Variants in FSTL5 observed in about 807,000 individuals in gnomAD.
FSTL5 encodes the protein follistatin-related protein 5.
In FSTL5, 62 loss-of-function variants were observed where a neutral mutation model predicts 89.1. The ratio of observed to expected loss-of-function variants is 0.70; its 90% CI spans 0.57 to 0.86. The LOEUF (loss-of-function observed/expected upper bound fraction) is 0.86. FSTL5 is among the 40% of genes least tolerant of loss of function. FSTL5 has a pLI of 0.00. For missense variants in FSTL5, 1,057 were observed against 1,001.6 expected (o/e 1.06, Z -0.75); for synonymous variants, 383 against 346.2 (o/e 1.11, Z -1.18).
At chr4:162,153,933 G>A (rs181797904) in intron 1 of FSTL5, among the ~76,000 whole-genome samples, 525 of 151,288 alleles carry the variant, frequency 3.5e-3, no homozygotes, top group Admixed American at 5.6e-3. Context: ...ATCCTCCCGA[G>A]TAGCTGGGAT....
At chr4:162,153,760 A>ATGTATATACATATATATG (rs1561049174) in intron 1 of FSTL5, among the ~76,000 whole-genome samples, 1 of 33,474 alleles carries the variant, frequency 3.0e-5, no homozygotes, top group Admixed American at 4.4e-4. Flanking sequence ...ACATGTATAT[A>ATGTATATACATATATATG]TACATGTATA....
chr4:161,405,283 A>G (rs2110919034), intron 15 of FSTL5, among the ~76,000 whole-genome samples: 1 of 149,904 alleles, frequency 6.7e-6, no homozygotes, highest in Middle Eastern at 3.5e-3. Flanking sequence ...AAAAACATGG[A>G]TCAAAGAACA....
At chr4:161,763,471 G>A (rs1398104707) in intron 5 of FSTL5, among the ~76,000 whole-genome samples, 1 of 152,098 alleles carries the variant, frequency 6.6e-6, no homozygotes, top group East Asian at 1.9e-4. Flanking sequence ...TTTCATGGAA[G>A]ATATACAAGA....
At chr4:162,130,346 A>G (rs1368286067) in intron 1 of FSTL5, among the ~76,000 whole-genome samples, 1 of 152,086 alleles carries the variant, frequency 6.6e-6, no homozygotes, top group East Asian at 1.9e-4. Context: ...TGAAAATTGC[A>G]TATAGTCTTT....
At chr4:162,000,382 G>C (rs751944779) in intron 3 of FSTL5, among the ~76,000 whole-genome samples, 6 of 152,028 alleles carry the variant, frequency 3.9e-5, no homozygotes, top group Non-Finnish European at 7.4e-5. Context: ...CCTGAGGTCA[G>C]GAGTTTGAGA....
chr4:161,583,759 A>AT (rs557577397), intron 8 of FSTL5, among the ~76,000 whole-genome samples: 11 of 152,088 alleles, frequency 7.2e-5, no homozygotes, highest in South Asian at 2.1e-4. Context: ...AACTAGAAAC[A>AT]TTTTTTTTAG....
intron 2 of FSTL5, among the ~76,000 whole-genome samples, chr4:162,055,205 T>C (rs551543317): frequency 6.6e-6 from 1 of 152,028 alleles, no homozygotes; most frequent in African/African-American, 2.4e-5. Flanking sequence ...CTACTTTGTA[T>C]AGAGTTTTGC....
At chr4:161,925,135 T>C (rs573540943) in intron 3 of FSTL5, among the ~76,000 whole-genome samples, 22 of 151,974 alleles carry the variant, frequency 1.4e-4, no homozygotes, top group African/African-American at 5.3e-4. Context: ...AATGTAATAA[T>C]GCTCAGCAAA....
chr4:161,686,035 T>A (rs1017661254), intron 6 of FSTL5, among the ~76,000 whole-genome samples: 1 of 151,960 alleles, frequency 6.6e-6, no homozygotes, highest in African/African-American at 2.4e-5. Flanking sequence ...TTTTTTAGTC[T>A]GTTTATGTGT....
At chr4:161,420,059 A>G (rs57460378) in intron 15 of FSTL5, among the ~76,000 whole-genome samples, 23,801 of 152,228 alleles carry the variant, frequency 0.16, 1,999 homozygotes, top group East Asian at 0.24. Context: ...GTAAGAAAGA[A>G]TATGTCTGGA....
chr4:161,779,795 A>ATGTATATATG (rs1560840929), intron 4 of FSTL5, among the ~76,000 whole-genome samples: 1 of 52,994 alleles, frequency 1.9e-5, no homozygotes, highest in Non-Finnish European at 3.1e-5. Flanking sequence ...ATATATATAT[A>ATGTATATATG]TATATATATA....
chr4:161,537,479 A>G (rs115244017), intron 10 of FSTL5, among the ~76,000 whole-genome samples: 2 of 152,214 alleles, frequency 1.3e-5, no homozygotes, highest in Non-Finnish European at 2.9e-5. Flanking sequence ...TTTGAGTTCC[A>G]AACAATTCGG....
chr4:162,152,182 T>C (rs1358168737), intron 1 of FSTL5, among the ~76,000 whole-genome samples: 1 of 152,196 alleles, frequency 6.6e-6, no homozygotes, highest in Non-Finnish European at 1.5e-5. Flanking sequence ...AATAAACAGT[T>C]GCAGAGGGTA....
chr4:161,680,847 T>C (rs192433283), intron 6 of FSTL5, among the ~76,000 whole-genome samples: 118 of 152,116 alleles, frequency 7.8e-4, no homozygotes, highest in African/African-American at 2.5e-3. Flanking sequence ...TAAAAATATA[T>C]GGCACATTAA....
intron 3 of FSTL5, among the ~76,000 whole-genome samples, chr4:162,011,318 A>G (rs1202141130): frequency 6.6e-6 from 1 of 152,148 alleles, no homozygotes; most frequent in Non-Finnish European, 1.5e-5. Flanking sequence ...TTGGAATTCA[A>G]ATTGGCCCCC....
At chr4:161,687,562 A>T (rs1419487373) in intron 6 of FSTL5, among the ~76,000 whole-genome samples, 1 of 152,174 alleles carries the variant, frequency 6.6e-6, no homozygotes, top group African/African-American at 2.4e-5. Context: ...CTAGGCAATT[A>T]TTTCACTTTA....
intron 2 of FSTL5, among the ~76,000 whole-genome samples, chr4:162,104,405 T>TCCGGCTACCATCTTGGAAGCGG (rs1466708065): frequency 2.0e-5 from 3 of 152,082 alleles, no homozygotes; most frequent in Admixed American, 6.5e-5. Context: ...CTTGGAAGCC[T>TCCGGCTACCATCTTGGAAGCGG]CCGGCTACCA....
intron 15 of FSTL5, among the ~76,000 whole-genome samples, chr4:161,405,449 G>A (rs981345616): frequency 6.6e-6 from 1 of 152,056 alleles, no homozygotes; most frequent in African/African-American, 2.4e-5. Flanking sequence ...GGTTTCAGTA[G>A]CAGATATGAG....
At chr4:161,651,690 A>C (rs1307869820) in intron 7 of FSTL5, among the ~76,000 whole-genome samples, 1 of 152,140 alleles carries the variant, frequency 6.6e-6, no homozygotes, top group African/African-American at 2.4e-5. Flanking sequence ...TGTTATCTTC[A>C]TTTTACCGAT....
Sources: allele counts gnomAD v4.1 joint callset (sites outside exome capture counted in the v4.1 genomes callset), GRCh38; gene constraint gnomAD v4.1.1; transcripts MANE v1.5; gene names NCBI Gene and HGNC (gene_info 2026-07-23, HGNC 2026-07-21).